Variants in WDR81 observed in about 807,000 individuals in gnomAD.
WDR81 encodes the protein WD repeat-containing protein 81.
In WDR81, 92 loss-of-function variants were observed where a neutral mutation model predicts 140.8. The observed-to-expected ratio is 0.65, with a 90% CI of 0.55 to 0.78. WDR81 has a LOEUF of 0.78. Among genes scored for constraint, WDR81 ranks in the 30% least tolerant of loss-of-function variants. WDR81 has a pLI of 0.00. For synonymous variants in WDR81, 1,183 were observed against 1,156.4 expected (o/e 1.02, Z -0.47); for missense variants, 2,502 against 2,636.4 (o/e 0.95, Z 1.12).
At position 1,718,864 on chromosome 17, in the gene WDR81, G is replaced by A. The variant is rs190448174; in HGVS notation, c.-124+2231G>A. ...TTCTGAACACTGACCCCACCCCCTA[G>A]GTCAAAAGCACAGGCTTCGAGTCCA... is the stretch of plus-strand genomic sequence containing the variant. On this transcript the variant is annotated intron_variant, in intron 1 of 10. Transcript: ENST00000309182. Among the ~76,000 whole-genome samples the A allele has an allele frequency of 2.6e-5, 4 of 152,194 alleles. No individual in the cohort carries two copies. The East Asian group carries it at 7.7e-4, about 29-fold the overall frequency.
Position 1,725,868 on chromosome 17 carries a change from G to C in WDR81, c.909G>C (p.Leu303=), listed in dbSNP as rs1398433929. ...EKLCSELRLD[L]SAYERPEEDE... ...TTTGCAGCGAGCTGCGACTGGACCTGAGTGCTTATGAGAGGCCCGAGGAGG... is the reference window on the plus strand; with the variant it reads ...TTTGCAGCGAGCTGCGACTGGACCTCAGTGCTTATGAGAGGCCCGAGGAGG... Residue 303 remains leucine (L), a synonymous_variant, in exon 1 of 10, where the codon CTG becomes CTC. Coordinates refer to ENST00000409644, the MANE Select transcript of WDR81 (RefSeq NM_001163809.2). 1 of 1,550,800 alleles carries C rather than the reference G, an allele frequency of 6.4e-7. No homozygotes were observed. Among genetic ancestry groups the C allele is most frequent in the African/African-American group, 1.4e-5 (1 of 73,180 alleles).
Position 1,733,585 on chromosome 17 carries a change from G to A in WDR81, c.4548G>A (p.Leu1516=). The A allele has an allele frequency of 1.3e-6, 2 of 1,550,378 alleles. No individual in the cohort carries two copies. Among genetic ancestry groups the A allele is most frequent in the Non-Finnish European group, 1.7e-6 (2 of 1,149,302 alleles). ...AGCTGGTTGGGGAGCTGGCGGCGCT[G>A]TACTTGGAGAGCATCAGCCCCAGCA... The part of the protein sequence containing the change: ...NHELVGELAA[L]YLESISPSSR... The change falls in exon 7 of 10, where the codon CTG becomes CTA. Residue 1516 remains leucine (L), a synonymous_variant. Coordinates refer to ENST00000409644, the MANE Select transcript of WDR81 (RefSeq NM_001163809.2).
In WDR81 at chr17:1,733,556, C is replaced by T; in HGVS notation, c.4519C>T (p.His1507Tyr). ...CATCATCCGGAAAATCATCCCCAAC[C>T]ACGAGCTGGTTGGGGAGCTGGCGGC... ...GDIIRKIIPN[H>Y]ELVGELAALY... The change falls in exon 7 of 10, where the codon CAC (histidine) becomes TAC (tyrosine). Residue 1507 changes from histidine to tyrosine, a missense_variant. Physicochemically the swap from His to Tyr is moderately conservative, Grantham distance 83. Around this residue, in one of 3 missense-constraint regions of WDR81, gnomAD observed 1,737 missense variants for 1,843.0 expected, o/e 0.94. Transcript: ENST00000409644. 1 of 1,520,430 alleles carries T rather than the reference C, an allele frequency of 6.6e-7. No individual in the cohort carries two copies. Among genetic ancestry groups the T allele is most frequent in the South Asian group, 1.3e-5 (1 of 76,014 alleles). The allele number at this position is 1,520,430 out of a possible 1,614,324, so 94.2% of individuals were successfully genotyped here. A position where few individuals can be genotyped will look rare whatever the true frequency, so the allele number is the denominator to read the frequency against.
chr17:1,728,567 A>G lies in WDR81; in HGVS notation c.3608A>G (p.Glu1203Gly), dbSNP rs1437468358. Residue 1203 changes from glutamate to glycine, a missense_variant, in exon 1 of 10, where the codon GAA (glutamate) becomes GGA (glycine). This residue lies in a region of WDR81 where 1,737 missense variants were observed against 1,843.0 expected (regional missense o/e 0.94). Transcript: ENST00000409644. ...VVAGGSGGDGEEEEEALPEQS... is the reference protein window; with the variant it reads ...VVAGGSGGDGGEEEEALPEQS... ...GCCGGCGGCAGTGGGGGAGATGGAG[A>G]AGAAGAGGAGGAGGCACTGCCTGAG... 3 of 1,516,238 alleles carry G rather than the reference A, an allele frequency of 2.0e-6. No homozygotes were observed. The highest frequency in any genetic ancestry group is 2.5e-5 in the South Asian group (2 of 79,464). 93.9% of individuals were successfully genotyped at this position (1,516,238 alleles called of 1,614,324 possible).
chr17:1,723,457 TTTTATTTA>T (rs60273826), upstream of WDR81, among the ~76,000 whole-genome samples: 14,119 of 130,394 alleles, frequency 0.11, 947 homozygotes, highest in East Asian at 0.37. Context: ...ATTTATTTAT[TTTTATTTA>T]TTTATTTATT....
At chr17:1,728,647 G>A in intron 1 of WDR81, 21 bp downstream of exon 1, 1 of 1,448,414 alleles carries the variant, frequency 6.9e-7, no homozygotes, top group Non-Finnish European at 9.1e-7. Context: ...AGGTCTGGGA[G>A]GTGTTGGTCA....
At chr17:1,732,145 G>A (rs1904403987) in intron 4 of WDR81, among the ~76,000 whole-genome samples, 180 bp from the exon 5 acceptor site, 1 of 152,176 alleles carries the variant, frequency 6.6e-6, no homozygotes, top group Non-Finnish European at 1.5e-5. Flanking sequence ...ACTGAGGCAG[G>A]AGAATCGCTT....
rs1367617103 is a variant in WDR81 at position 1,735,748 on chromosome 17, C to T, written c.5325+31C>T. On this transcript the variant is annotated intron_variant, in intron 8 of 9. Transcript: ENST00000409644. This position sits in a 1 kb window ranked among gnomAD's most constrained non-coding sequence, Gnocchi z 4.2. ...GGGGGTCCAGTTCCCTGAGCACTCG[C>T]CTGGTTCTCTGGGGACCTGGCAAGG... 1 of 1,583,626 alleles carries T rather than the reference C, an allele frequency of 6.3e-7. No individual in the cohort carries two copies. Among genetic ancestry groups the T allele is most frequent in the Admixed American group, 1.8e-5 (1 of 55,234 alleles).
chr17:1,732,079 C>CA (rs978942225), intron 4 of WDR81, among the ~76,000 whole-genome samples: 33 of 151,402 alleles, frequency 2.2e-4, no homozygotes, highest in African/African-American at 6.8e-4. Flanking sequence ...ACTAAAAATA[C>CA]AAAAAAAATT....
rs1364750429 is a variant in WDR81 at position 1,727,608 on chromosome 17, C to G, written c.2649C>G (p.Phe883Leu). The part of the protein sequence containing the change: ...FPPYFPALHR[F>L]ILLYQARRVE... ...CCTACTTCCCGGCACTGCACAGATTCATCCTCCTGTACCAGGCAAGGCGTG... is the reference window on the plus strand; with the variant it reads ...CCTACTTCCCGGCACTGCACAGATTGATCCTCCTGTACCAGGCAAGGCGTG... The change falls in exon 1 of 10, where the codon TTC (phenylalanine) becomes TTG (leucine). Residue 883 changes from phenylalanine to leucine, a missense_variant. Coordinates refer to ENST00000409644, the MANE Select transcript of WDR81 (RefSeq NM_001163809.2). The G allele has an allele frequency of 3.9e-6, 6 of 1,550,574 alleles. No individual in the cohort carries two copies. Among genetic ancestry groups the G allele is most frequent in the East Asian group, 4.9e-5 (2 of 40,922 alleles).
chr17:1,720,506 G>A (rs1219077460), upstream of WDR81, among the ~76,000 whole-genome samples: 1 of 152,212 alleles, frequency 6.6e-6, no homozygotes, highest in Non-Finnish European at 1.5e-5. Context: ...GCCGGGCATG[G>A]TGGCTCACGC....
chr17:1,728,517 G>C lies in WDR81; in HGVS notation c.3558G>C (p.Thr1186=), dbSNP rs368443890. Residue 1186 remains threonine (T), a synonymous_variant, in exon 1 of 10, where the codon ACG becomes ACC. Transcript: ENST00000409644. Reference sequence around the variant, plus strand: ...CATCTGAGCTCACTCTGTCTGACACGGTGCTGTCCATGGAGACGGTTGTGG... The same window carrying C: ...CATCTGAGCTCACTCTGTCTGACACCGTGCTGTCCATGGAGACGGTTGTGG... ...TGASELTLSD[T]VLSMETVVAG... is the part of the protein sequence containing the mutation. 2 of 1,576,970 alleles carry C rather than the reference G, an allele frequency of 1.3e-6. No individual in the cohort carries two copies. The highest frequency in any genetic ancestry group is 1.7e-4 in the Middle Eastern group (1 of 6,026).
upstream of WDR81, among the ~76,000 whole-genome samples, chr17:1,723,774 T>G (rs929773536): frequency 6.6e-4 from 100 of 151,850 alleles, no homozygotes; most frequent in African/African-American, 2.3e-3. Flanking sequence ...CGTGAGCCAC[T>G]GCACCCGGCC....
chr17:1,716,556 G>C, exon 1 of WDR81: 2 of 1,551,032 alleles, frequency 1.3e-6, no homozygotes, highest in Non-Finnish European at 1.7e-6. Flanking sequence ...CGAAAGCCAC[G>C]GCGTCTGCGT....
In WDR81 at chr17:1,734,093, G is replaced by A. The variant is rs1180780572; in HGVS notation, c.5056G>A (p.Glu1686Lys). ...PLYNYGDGTS[E>K]TAPRLVYTQH... ...GTACAACTACGGCGACGGGACCAGC[G>A]AGACGGCCCCACGCCTCGTCTACAC... Residue 1686 changes from glutamate to lysine, a missense_variant, in exon 7 of 10, where the codon GAG (glutamate) becomes AAG (lysine). Transcript: ENST00000409644. 8.1e-6 allele frequency: 13 copies of A among 1,602,430 alleles called. No individual in the cohort carries two copies. The highest frequency in any genetic ancestry group is 1.3e-5 in the African/African-American group (1 of 74,948).
chr17:1,719,697 T>TAA (rs57391076), intron 1 of WDR81, among the ~76,000 whole-genome samples: 1 of 140,140 alleles, frequency 7.1e-6, no homozygotes, highest in African/African-American at 2.6e-5. Context: ...AGACCCTCTT[T>TAA]AAAAAAAAAA....
intron 6 of WDR81, 90 bp from the exon 7 acceptor site, chr17:1,733,437 C>G (rs914453910): frequency 7.5e-7 from 1 of 1,336,950 alleles, no homozygotes; most frequent in Non-Finnish European, 1.0e-6. Flanking sequence ...CAGTTCCTGC[C>G]CCATCTTCTG....
In WDR81 at chr17:1,726,726, C is replaced by T; in HGVS notation, c.1767C>T (p.Pro589=). The change falls in exon 1 of 10, where the codon CCC becomes CCT. Residue 589 remains proline, a synonymous_variant. Transcript: ENST00000409644. ...TGCAGCTCTTCGATCAGCCACACCC[C>T]CAGCGCCTGGCTGGGGCTCCTGCCC... The part of the protein sequence containing the change: ...GVVQLFDQPH[P]QRLAGAPALA... 2 of 1,548,402 alleles carry T rather than the reference C, an allele frequency of 1.3e-6. No individual in the cohort carries two copies. The highest frequency in any genetic ancestry group is 2.0e-5 in the Admixed American group (1 of 50,990).
At position 1,727,758 on chromosome 17, in the gene WDR81, C is replaced by T. The variant is rs547605605; in HGVS notation, c.2799C>T (p.Ser933=). ...TGCCCTTCGTGCTCTCACTCATGTCCGAGGAGCACACAGCTGTGTACACGG... is the reference window on the plus strand; with the variant it reads ...TGCCCTTCGTGCTCTCACTCATGTCTGAGGAGCACACAGCTGTGTACACGG... ...ILLPFVLSLM[S]EEHTAVYTAW... is the part of the protein sequence containing the mutation. Residue 933 remains serine, a synonymous_variant, in exon 1 of 10, where the codon TCC becomes TCT. Coordinates refer to ENST00000409644, the MANE Select transcript of WDR81 (RefSeq NM_001163809.2). 1.0e-5 allele frequency: 16 copies of T among 1,550,716 alleles called. No individual in the cohort carries two copies. The South Asian group carries it at 1.3e-4, about 13-fold the overall frequency.
Sources: allele counts gnomAD v4.1 joint callset (sites outside exome capture counted in the v4.1 genomes callset), GRCh38; gene constraint gnomAD v4.1.1; regional missense constraint gnomAD v4.1.1; non-coding constraint Gnocchi (gnomAD v3.1); transcripts MANE v1.5; gene names NCBI Gene and HGNC (gene_info 2026-07-23, HGNC 2026-07-21).